Variants in MAP3K20 observed in about 807,000 individuals in gnomAD.
MAP3K20 encodes the protein mitogen-activated protein kinase kinase kinase 20, also known as HCCS-4.
Under a neutral mutation model 85.7 loss-of-function variants are expected in MAP3K20, and 40 were observed. The ratio of observed to expected loss-of-function variants is 0.47; its 90% CI spans 0.36 to 0.61. MAP3K20 has a LOEUF of 0.61. Ranked by LOEUF, MAP3K20 falls within the 20% of genes least tolerant of loss-of-function variation. The pLI is 0.00. For synonymous variants in MAP3K20, 325 were observed against 327.7 expected (o/e 0.99, Z 0.09); for missense variants, 817 against 961.7 (o/e 0.85, Z 1.99).
chr2:173,136,094 C>T (rs965203024), intron 2 of MAP3K20, among the ~76,000 whole-genome samples: 6 of 152,150 alleles, frequency 3.9e-5, no homozygotes, highest in Non-Finnish European at 8.8e-5. Context: ...ACCTTAACAA[C>T]ATCAATGCTA....
At chr2:173,125,382 G>A (rs1688411448) in intron 2 of MAP3K20, among the ~76,000 whole-genome samples, 1 of 152,188 alleles carries the variant, frequency 6.6e-6, no homozygotes, top group East Asian at 1.9e-4. Flanking sequence ...AGCTTGGTGA[G>A]CAGGCTCATC....
chr2:173,231,148 C>G (rs1057052927), intron 12 of MAP3K20, among the ~76,000 whole-genome samples: 2 of 152,188 alleles, frequency 1.3e-5, no homozygotes, highest in Admixed American at 1.3e-4. Context: ...AGGGAACAGA[C>G]CAGGTGCCAC....
chr2:173,192,908 T>C (rs1304711250), intron 7 of MAP3K20: 1 of 152,230 alleles, frequency 6.6e-6, no homozygotes, highest in Non-Finnish European at 1.5e-5. Context: ...AAGGACCAGA[T>C]AATATATATT....
intron 2 of MAP3K20, among the ~76,000 whole-genome samples, chr2:173,169,480 G>A (rs933927049): frequency 3.3e-5 from 5 of 151,974 alleles, no homozygotes; most frequent in Admixed American, 1.3e-4. Flanking sequence ...CAGCACTTTC[G>A]GAGGCCAAGG....
At chr2:173,076,982 G>T (rs1053090850) in intron 1 of MAP3K20, among the ~76,000 whole-genome samples, 4 of 152,200 alleles carry the variant, frequency 2.6e-5, no homozygotes, top group Non-Finnish European at 5.9e-5. Flanking sequence ...TTTCTGATGC[G>T]CTTTGAGATC....
At chr2:173,243,040 T>C (rs1430894133) in intron 16 of MAP3K20, among the ~76,000 whole-genome samples, 4 of 152,154 alleles carry the variant, frequency 2.6e-5, no homozygotes, top group Non-Finnish European at 5.9e-5. Flanking sequence ...TTGGCAGGCA[T>C]TTACTGAGGA....
Position 173,198,189 on chromosome 2 carries a change from C to G in MAP3K20, c.669+77C>G. 7.5e-7 allele frequency: 1 copy of G among 1,324,638 alleles called. No homozygotes were observed. The highest frequency in any genetic ancestry group is 1.1e-6 in the Non-Finnish European group (1 of 945,732). The allele number at this position is 1,324,638 out of a possible 1,614,324, so 82.1% of individuals were successfully genotyped here. Reference sequence around the variant, plus strand: ...GTTTTGCAAAAGACTTTTTCATCTTCTTCAAATTGAAAGTAAGTTCACGCT... The same window carrying G: ...GTTTTGCAAAAGACTTTTTCATCTTGTTCAAATTGAAAGTAAGTTCACGCT... On this transcript the variant is annotated intron_variant, in intron 8 of 19. Coordinates refer to ENST00000375213, the MANE Select transcript of MAP3K20 (RefSeq NM_016653.3). This position sits in a 1 kb window ranked among gnomAD's most constrained non-coding sequence, Gnocchi z 5.8.
intron 8 of MAP3K20, among the ~76,000 whole-genome samples, chr2:173,200,183 ATTT>A (rs1332408577): frequency 1.3e-5 from 2 of 152,212 alleles, no homozygotes; most frequent in African/African-American, 4.8e-5. Context: ...TCTGTACAAT[ATTT>A]ATTTGTCAAA....
chr2:173,155,467 C>T (rs1689438131), intron 2 of MAP3K20, among the ~76,000 whole-genome samples: 1 of 152,158 alleles, frequency 6.6e-6, no homozygotes, highest in Admixed American at 6.5e-5. Flanking sequence ...GTGCCTGGCA[C>T]ATCATATATA....
chr2:173,259,193 G>A lies in MAP3K20; in HGVS notation c.1476+378G>A, dbSNP rs546317928. Reference sequence around the variant, plus strand: ...CTTTTCCCGGAGAATGACTTTCTTGGTTGAGGTCAATTTCCTGAAGGACTG... The same window carrying A: ...CTTTTCCCGGAGAATGACTTTCTTGATTGAGGTCAATTTCCTGAAGGACTG... On this transcript the variant is annotated intron_variant, in intron 17 of 19. Transcript: ENST00000375213. 4.6e-5 allele frequency among the ~76,000 whole-genome samples: 7 copies of A among 152,172 alleles called. No homozygotes were observed. In the East Asian group the frequency reaches 9.7e-4, roughly 21 times the overall value.
At chr2:173,223,799 A>C in intron 11 of MAP3K20, 2 of 985,460 alleles carry the variant, frequency 2.0e-6, no homozygotes, top group Non-Finnish European at 2.4e-6. Context: ...GTCTGTGCTC[A>C]GACATAGAGA....
chr2:173,076,182 GGAGC>G (rs888894790), intron 1 of MAP3K20, among the ~76,000 whole-genome samples, 180 bp downstream of exon 1: 2 of 151,432 alleles, frequency 1.3e-5, no homozygotes, highest in African/African-American at 4.8e-5. Flanking sequence ...GGCGGCGGCC[GGAGC>G]GAGCGGGCGG....
intron 2 of MAP3K20, among the ~76,000 whole-genome samples, chr2:173,141,832 G>GA (rs1180909726): frequency 6.6e-6 from 1 of 151,492 alleles, no homozygotes; most frequent in Non-Finnish European, 1.5e-5. Flanking sequence ...AAAACAGCCA[G>GA]AAAAAAAAGA....
intron 2 of MAP3K20, among the ~76,000 whole-genome samples, chr2:173,145,798 C>T (rs985361291): frequency 6.6e-6 from 1 of 151,962 alleles, no homozygotes; most frequent in Non-Finnish European, 1.5e-5. Context: ...CCAAAAAAGA[C>T]TAGTATAAGA....
At chr2:173,232,693 G>A (rs41268713) in intron 14 of MAP3K20, among the ~76,000 whole-genome samples, 9,494 of 152,036 alleles carry the variant, frequency 0.062, 977 homozygotes, top group East Asian at 0.55. Flanking sequence ...TAGTAGAGAT[G>A]GGGCTTCACC....
At chr2:173,090,641 A>G (rs1687266983) in intron 1 of MAP3K20, 2 of 995,032 alleles carry the variant, frequency 2.0e-6, no homozygotes, top group Non-Finnish European at 2.4e-6. Context: ...TGTGGAAAGC[A>G]TGCTTCCCGT....
intron 3 of MAP3K20, among the ~76,000 whole-genome samples, chr2:173,182,280 A>G (rs764469279): frequency 3.9e-5 from 6 of 152,224 alleles, no homozygotes; most frequent in Non-Finnish European, 5.9e-5. Flanking sequence ...AAAGGTTCTA[A>G]GACTGGATTG....
chr2:173,224,400 A>G (rs1409707051), intron 11 of MAP3K20: 4 of 985,212 alleles, frequency 4.1e-6, no homozygotes, highest in Non-Finnish European at 4.8e-6. Context: ...AATCCATATG[A>G]TTATACATAA....
chr2:173,266,491 A>G lies in MAP3K20; in HGVS notation c.2144A>G (p.Tyr715Cys). The change falls in exon 20 of 20, where the codon TAC becomes TGC. Residue 715 changes from tyrosine (Y) to cysteine (C), a missense_variant. Tyr to Cys is a radical substitution (Grantham distance 194). Transcript: ENST00000375213. ...PSRGRYPGKF[Y>C]RVSQSALNPH... Reference sequence around the variant, plus strand: ...AGAGGAAGATACCCTGGAAAGTTCTACAGGGTTTCTCAGTCAGCACTCAAT... The same window carrying G: ...AGAGGAAGATACCCTGGAAAGTTCTGCAGGGTTTCTCAGTCAGCACTCAAT... The G allele has an allele frequency of 6.2e-7, 1 of 1,614,162 alleles. No homozygotes were observed. The highest frequency in any genetic ancestry group is 8.5e-7 in the Non-Finnish European group (1 of 1,180,020).
Sources: allele counts gnomAD v4.1 joint callset (sites outside exome capture counted in the v4.1 genomes callset), GRCh38; gene constraint gnomAD v4.1.1; non-coding constraint Gnocchi (gnomAD v3.1); transcripts MANE v1.5; gene names NCBI Gene and HGNC (gene_info 2026-07-23, HGNC 2026-07-21).